DDX51: variants seen among roughly 807,000 people sequenced by gnomAD.
DDX51 encodes ATP-dependent RNA helicase DDX51.
In DDX51, 67 loss-of-function variants were observed where a neutral mutation model predicts 74.6. That is an observed-to-expected ratio of 0.90 (90% CI 0.74 to 1.10). DDX51 has a LOEUF of 1.10. DDX51 is among the 50% of genes least tolerant of loss of function. DDX51 has a pLI of 0.00. For missense variants in DDX51, 1,056 were observed against 905.2 expected (o/e 1.17, Z -2.14); for synonymous variants, 545 against 402.9 (o/e 1.35, Z -4.22).
chr12:132,141,611 A>C lies in DDX51; in HGVS notation c.996-5T>G. ...AAGCAGCGGTACCCATCAGCTCTAC[A>C]GACCAGAGAGCAGCTCGAGAGAAGG... On this transcript the variant is annotated splice_region_variant and splice_polypyrimidine_tract_variant and intron_variant, in intron 6 of 14. Coordinates refer to ENST00000397333, the MANE Select transcript of DDX51 (RefSeq NM_175066.4). 6.4e-7 allele frequency: 1 copy of C among 1,571,936 alleles called. No individual in the cohort carries two copies. The highest frequency in any genetic ancestry group is 8.6e-7 in the Non-Finnish European group (1 of 1,162,236).
chr12:132,142,679 G>A (rs1233444090), intron 3 of DDX51, 49 bp downstream of exon 3: 6 of 1,602,640 alleles, frequency 3.7e-6, no homozygotes, highest in South Asian at 3.3e-5. Context: ...CCTTGTGTGT[G>A]GGTGCCCAGG....
rs747355116 is a variant in DDX51 at position 132,142,274 on chromosome 12, G to C, written c.816+3C>G. On this transcript the variant is annotated splice_donor_region_variant and intron_variant, in intron 4 of 14. Coordinates refer to ENST00000397333, the MANE Select transcript of DDX51 (RefSeq NM_175066.4). ...TGTAGAGAAAGGGGACCCTCACACA[G>C]ACCTGCACCACAGGGATGACGAAGG... The C allele has an allele frequency of 1.1e-5, 17 of 1,612,894 alleles. No homozygotes were observed. Among genetic ancestry groups the C allele is most frequent in the Non-Finnish European group, 1.4e-5 (16 of 1,179,920 alleles).
intron 9 of DDX51, 47 bp downstream of exon 9, chr12:132,140,783 GC>G: frequency 6.2e-7 from 1 of 1,613,080 alleles, no homozygotes; most frequent in Non-Finnish European, 8.5e-7. Context: ...TTGGTTAGGG[GC>G]CCCAGGTTCC....
rs202081584 is a variant in DDX51, at chr12:132,142,436, G to A, written c.671-14C>T. ...CAGCTGCCTGGACTGGATGAGGAAAGGCGAGAGAGAAGTCGTGTTTACGCC... is the reference window on the plus strand; with the variant it reads ...CAGCTGCCTGGACTGGATGAGGAAAAGCGAGAGAGAAGTCGTGTTTACGCC... On this transcript the variant is annotated splice_polypyrimidine_tract_variant and intron_variant, in intron 3 of 14. Coordinates refer to ENST00000397333, the MANE Select transcript of DDX51 (RefSeq NM_175066.4). 3.1e-6 allele frequency: 5 copies of A among 1,610,074 alleles called. No individual in the cohort carries two copies. Among genetic ancestry groups the A allele is most frequent in the Admixed American group, 1.7e-5 (1 of 59,994 alleles).
chr12:132,142,932 G>A, intron 2 of DDX51, 54 bp from the exon 3 acceptor site: 1 of 1,606,058 alleles, frequency 6.2e-7, no homozygotes, highest in Non-Finnish European at 8.5e-7. Context: ...CTCTCGCGCA[G>A]AAGCCCACGG....
chr12:132,143,691 T>G lies in DDX51; in HGVS notation c.519+4A>C. 1 of 1,537,764 alleles carries G rather than the reference T, an allele frequency of 6.5e-7. No homozygotes were observed. Among genetic ancestry groups the G allele is most frequent in the Non-Finnish European group, 8.7e-7 (1 of 1,144,716 alleles). On this transcript the variant is annotated splice_donor_region_variant and intron_variant, in intron 2 of 14. Coordinates refer to ENST00000397333, the MANE Select transcript of DDX51 (RefSeq NM_175066.4). Reference sequence around the variant, plus strand: ...CGACCACCCTCCCGCCCGCCGAGGCTCACCTTCGGCGCCTTCCTCTTCCCG... The same window carrying G: ...CGACCACCCTCCCGCCCGCCGAGGCGCACCTTCGGCGCCTTCCTCTTCCCG...
intron 12 of DDX51, 39 bp downstream of exon 12, chr12:132,140,059 A>G (rs1210701058): frequency 6.2e-7 from 1 of 1,607,328 alleles, no homozygotes; most frequent in Non-Finnish European, 8.5e-7. Flanking sequence ...GAGCTCACAA[A>G]GCCCCAGACC....
In DDX51 at chr12:132,140,861, C is replaced by T. The variant is rs377232805; in HGVS notation, c.1410G>A (p.Ser470=). Residue 470 remains serine, a synonymous_variant, in exon 9 of 15, where the codon TCG becomes TCA. Transcript: ENST00000397333. ...GLEDTDGDGD[S]GKYAFPVGLT... is the part of the protein sequence containing the mutation. ...GCCCAACAGGAAAGGCATACTTCCCCGAATCCCCGTCCCCATCTGTATCTT... is the reference window on the plus strand; with the variant it reads ...GCCCAACAGGAAAGGCATACTTCCCTGAATCCCCGTCCCCATCTGTATCTT... The T allele has an allele frequency of 3.7e-4, 597 of 1,613,618 alleles. 1 individual carries two copies. Among genetic ancestry groups the T allele is most frequent in the Non-Finnish European group, 4.5e-4 (527 of 1,180,006 alleles).
chr12:132,140,035 A>T, intron 12 of DDX51, 63 bp downstream of exon 12: 1 of 1,605,584 alleles, frequency 6.2e-7, no homozygotes, highest in Non-Finnish European at 8.5e-7. Context: ...AGACGGTCCC[A>T]CATCAACGCC....
rs61942922 is a variant in DDX51 at position 132,144,264 on chromosome 12, G to A, written c.33C>T (p.Gly11=). The A allele has an allele frequency of 0.038, 47,668 of 1,246,734 alleles. 1,104 individuals are homozygous for A. The highest frequency in any genetic ancestry group is 0.094 in the African/African-American group (6,039 of 64,238). 77.2% of individuals were successfully genotyped at this position (1,246,734 alleles called of 1,614,324 possible). MALFYVARYP[G]PDAAAAAGPE... is the part of the protein sequence containing the mutation. The stretch of plus-strand genomic sequence containing the variant: ...GCCCCGCCGCAGCTGCCGCATCGGG[G>A]CCCGGGTACCGCGCGACGTAGAACA... Residue 11 remains glycine (G), a synonymous_variant, in exon 1 of 15, where the codon GGC becomes GGT. Transcript: ENST00000397333.
In DDX51 at chr12:132,137,526, C is replaced by T. The variant is rs1342827151; in HGVS notation, c.*1746G>A. 2.0e-5 allele frequency: 3 copies of T among 152,248 alleles called. No homozygotes were observed. The highest frequency in any genetic ancestry group is 4.4e-5 in the Non-Finnish European group (3 of 68,056). 9.4% of individuals were successfully genotyped at this position (152,248 alleles called of 1,614,324 possible). ...TGTTCTGCTGGCATTTGTTTGAACA[C>T]AGTCCACAGGTTCAGTGGTTGCATC... On this transcript the variant is annotated 3_prime_UTR_variant, in exon 15 of 15. Transcript: ENST00000397333.
At position 132,144,262 on chromosome 12, in the gene DDX51, G is replaced by A; in HGVS notation, c.35C>T (p.Pro12Leu). Residue 12 changes from proline to leucine, a missense_variant, in exon 1 of 15, where the codon CCC becomes CTC. Coordinates refer to ENST00000397333, the MANE Select transcript of DDX51 (RefSeq NM_175066.4). ...ALFYVARYPG[P>L]DAAAAAGPEG... Reference sequence around the variant, plus strand: ...CGGCCCCGCCGCAGCTGCCGCATCGGGGCCCGGGTACCGCGCGACGTAGAA... The same window carrying A: ...CGGCCCCGCCGCAGCTGCCGCATCGAGGCCCGGGTACCGCGCGACGTAGAA... The A allele has an allele frequency of 8.0e-7, 1 of 1,244,336 alleles. No individual in the cohort carries two copies. The highest frequency in any genetic ancestry group is 1.0e-6 in the Non-Finnish European group (1 of 994,842). 77.1% of individuals were successfully genotyped at this position (1,244,336 alleles called of 1,614,324 possible).
At chr12:132,140,769 A>G (rs781227273) in intron 9 of DDX51, 34 bp from the exon 10 acceptor site, 1 of 1,612,882 alleles carries the variant, frequency 6.2e-7, no homozygotes, top group South Asian at 1.1e-5. Context: ...GGTGGAGGTG[A>G]GGGTTGGTTA....
intron 11 of DDX51, 91 bp downstream of exon 11, chr12:132,140,332 G>C (rs1897398099): frequency 8.9e-6 from 14 of 1,566,920 alleles, no homozygotes; most frequent in Non-Finnish European, 1.2e-5. Context: ...AAGCCAATTT[G>C]CAGAAGGAAG....
chr12:132,141,194 T>C lies in DDX51; in HGVS notation c.1250+81A>G, dbSNP rs1312657089. ...TGCACCAGAGCTCAAGCCACCCTTA[T>C]CTCTGGGCATTAAGGAAGGAGAGCT... On this transcript the variant is annotated intron_variant, in intron 8 of 14. Coordinates refer to ENST00000397333, the MANE Select transcript of DDX51 (RefSeq NM_175066.4). 6 of 1,513,000 alleles carry C rather than the reference T, an allele frequency of 4.0e-6. No homozygotes were observed. The East Asian group carries it at 1.4e-4, about 34-fold the overall frequency. The allele number at this position is 1,513,000 out of a possible 1,614,324, so 93.7% of individuals were successfully genotyped here.
Position 132,139,908 on chromosome 12 carries a change from G to A in DDX51, c.1792C>T (p.Arg598Cys), listed in dbSNP as rs756453156. Residue 598 changes from arginine (R) to cysteine (C), a missense_variant, in exon 13 of 15, where the codon CGC (arginine) becomes TGC (cysteine). Coordinates refer to ENST00000397333, the MANE Select transcript of DDX51 (RefSeq NM_175066.4). Reference protein sequence around the residue: ...TYVHRVGRTARAGKTGQAFTL... With the variant: ...TYVHRVGRTACAGKTGQAFTL... The stretch of plus-strand genomic sequence containing the variant: ...AAGGCCTGTCCAGTTTTCCCAGCGC[G>A]AGCTGTCCTCCCAACCCTGGAATCA... 3 of 1,613,034 alleles carry A rather than the reference G, an allele frequency of 1.9e-6. No homozygotes were observed. Among genetic ancestry groups the A allele is most frequent in the Non-Finnish European group, 2.5e-6 (3 of 1,179,968 alleles).
In DDX51 at chr12:132,137,124, C is replaced by T. The variant is rs1365912797; in HGVS notation, c.*2148G>A. On this transcript the variant is annotated 3_prime_UTR_variant, in exon 15 of 15. Coordinates refer to ENST00000397333, the MANE Select transcript of DDX51 (RefSeq NM_175066.4). ...CTCTGTGACACTTTTCTGCGAGGGT[C>T]TCTGGGTCTGCTCCCAGACATCTTC... 1 of 152,230 alleles carries T rather than the reference C, an allele frequency of 6.6e-6. No homozygotes were observed. The highest frequency in any genetic ancestry group is 1.5e-5 in the Non-Finnish European group (1 of 68,080). 9.4% of individuals were successfully genotyped at this position (152,230 alleles called of 1,614,324 possible).
At chr12:132,143,560 G>A (rs1259672931) in intron 2 of DDX51, 135 bp downstream of exon 2, 7 of 1,196,588 alleles carry the variant, frequency 5.8e-6, no homozygotes, top group Admixed American at 2.2e-5. Context: ...CGATGAAACT[G>A]CAGACCTGGC....
In DDX51 at chr12:132,137,231, ACT is replaced by A. The variant is rs1033436662; in HGVS notation, c.*2039_*2040del. On this transcript the variant is annotated 3_prime_UTR_variant, in exon 15 of 15. Transcript: ENST00000397333. The stretch of plus-strand genomic sequence containing the variant: ...GACGGGAATGTGCTTATTAGGGTCC[ACT>A]GTTTTACTGGGGCCCATTGTGGAAG... The A allele has an allele frequency of 3.3e-5, 5 of 152,066 alleles. No homozygotes were observed. The highest frequency in any genetic ancestry group is 1.2e-4 in the African/African-American group (5 of 41,394). The allele number at this position is 152,066 out of a possible 1,614,324, so 9.4% of individuals were successfully genotyped here.
Sources: gnomAD v4.1 joint callset for allele counts on GRCh38, gnomAD v4.1.1 for gene constraint, MANE v1.5 for transcripts, NCBI Gene and HGNC (gene_info 2026-07-23, HGNC 2026-07-21) for gene names.